PIK3C2A: variants seen among roughly 807,000 people sequenced by gnomAD.
PIK3C2A encodes the protein phosphatidylinositol 4-phosphate 3-kinase C2 domain-containing subunit alpha.
A neutral mutation model predicts 204.5 loss-of-function variants in PIK3C2A; 97 were observed. That is an observed-to-expected ratio of 0.47 (90% CI 0.40 to 0.56). The LOEUF is 0.56. Ranked by LOEUF, PIK3C2A falls within the 20% of genes least tolerant of loss-of-function variation. PIK3C2A has a pLI of 0.00. For missense variants in PIK3C2A, 1,735 were observed against 1,969.2 expected (o/e 0.88, Z 2.25); for synonymous variants, 653 against 664.4 (o/e 0.98, Z 0.26).
Position 17,101,323 on chromosome 11 carries a change from G to C in PIK3C2A, c.3963C>G (p.Asn1321Lys). 6.3e-7 allele frequency: 1 copy of C among 1,581,200 alleles called. No individual in the cohort carries two copies. Among genetic ancestry groups the C allele is most frequent in the Non-Finnish European group, 8.6e-7 (1 of 1,156,724 alleles). Residue 1321 changes from asparagine to lysine, a missense_variant, in exon 25 of 33, where the codon AAC (asparagine) becomes AAG (lysine). Asn to Lys is a moderately conservative substitution (Grantham distance 94). Transcript: ENST00000691414. Reference protein sequence around the residue: ...LFVDLCCQAYNLIRKQTNLFL... With the variant: ...LFVDLCCQAYKLIRKQTNLFL... ...AAAGGTTTGTCTGCTTTCTTATCAA[G>C]TTGTAGGCCTGACAGCAGAGGTCCA...
chr11:17,130,254 T>G (rs966940070), intron 12 of PIK3C2A, among the ~76,000 whole-genome samples: 9 of 152,322 alleles, frequency 5.9e-5, no homozygotes, highest in Admixed American at 5.2e-4. Context: ...GACATATGTT[T>G]ACCAATGCAT....
chr11:17,137,118 G>A (rs975812558), intron 8 of PIK3C2A, among the ~76,000 whole-genome samples: 1 of 151,976 alleles, frequency 6.6e-6, no homozygotes, highest in Non-Finnish European at 1.5e-5. Flanking sequence ...AAACATTTAT[G>A]CCAAACTTTT....
intron 9 of PIK3C2A, 44 bp from the exon 10 acceptor site, chr11:17,135,203 G>A (rs773684506): frequency 1.9e-6 from 3 of 1,589,512 alleles, no homozygotes; most frequent in Admixed American, 1.7e-5. Context: ...AACTGCCTAT[G>A]ACATAATATA....
chr11:17,096,099 C>T (rs1391155824), intron 27 of PIK3C2A, among the ~76,000 whole-genome samples: 1 of 151,090 alleles, frequency 6.6e-6, no homozygotes, highest in Non-Finnish European at 1.5e-5. Context: ...AGCGCAATGG[C>T]ACAATATTGG....
intron 27 of PIK3C2A, among the ~76,000 whole-genome samples, chr11:17,095,942 T>C (rs560608353): frequency 3.7e-4 from 56 of 150,610 alleles, no homozygotes; most frequent in Non-Finnish European, 8.9e-5. Flanking sequence ...TAAAATAACA[T>C]AACATAAAAT....
At chr11:17,166,248 C>T (rs921225501) in intron 2 of PIK3C2A, among the ~76,000 whole-genome samples, 3 of 151,778 alleles carry the variant, frequency 2.0e-5, no homozygotes, top group Non-Finnish European at 4.4e-5. Context: ...AAAAAAAATG[C>T]AGAAGAGTCC....
intron 17 of PIK3C2A, 91 bp from the exon 18 acceptor site, chr11:17,118,830 G>A: frequency 4.7e-6 from 3 of 631,852 alleles, no homozygotes; most frequent in Non-Finnish European, 5.6e-6. Context: ...TATAAAGCAA[G>A]TATTACTCTT....
chr11:17,122,907 A>G, intron 13 of PIK3C2A, 94 bp from the exon 14 acceptor site: 1 of 606,512 alleles, frequency 1.6e-6, no homozygotes, highest in East Asian at 2.8e-5. Context: ...TTAGTATGAG[A>G]TCAACTAAAT....
In PIK3C2A at chr11:17,163,711, C is replaced by T. The variant is rs563028649; in HGVS notation, c.1065+4966G>A. Among the ~76,000 whole-genome samples, 12 of 152,102 alleles carry T rather than the reference C, an allele frequency of 7.9e-5. No homozygotes were observed. In the South Asian group the frequency reaches 1.5e-3, roughly 18 times the overall value. On this transcript the variant is annotated intron_variant, in intron 2 of 32. Coordinates refer to ENST00000691414, the MANE Select transcript of PIK3C2A (RefSeq NM_002645.4). ...TTACAGGCATGAGCCACCAAACCCACCATTCTACCAGTTGTTTCTATTATA... is the reference window on the plus strand; with the variant it reads ...TTACAGGCATGAGCCACCAAACCCATCATTCTACCAGTTGTTTCTATTATA...
chr11:17,148,570 G>C (rs976617411), intron 5 of PIK3C2A, 97 bp downstream of exon 5: 31 of 977,700 alleles, frequency 3.2e-5, no homozygotes, highest in Non-Finnish European at 4.3e-5. Flanking sequence ...AGGATCCAAT[G>C]TATTTCTGCA....
rs746811224 is a variant in PIK3C2A at position 17,092,001 on chromosome 11, G to A, written c.4637C>T (p.Ser1546Phe). 2.4e-5 allele frequency: 38 copies of A among 1,599,514 alleles called. No homozygotes were observed. Among genetic ancestry groups the A allele is most frequent in the South Asian group, 1.1e-5 (1 of 90,780 alleles). ...GAGAAAAAAAATAATCTCACCTGCAGACCTAGCTATCCCTTCAGCTTTCTC... is the reference window on the plus strand; with the variant it reads ...GAGAAAAAAAATAATCTCACCTGCAAACCTAGCTATCCCTTCAGCTTTCTC... Reference protein sequence around the residue: ...RDEKAEGIARSADAGSFSPTP... With the variant: ...RDEKAEGIARFADAGSFSPTP... Residue 1546 changes from serine (S) to phenylalanine (F), a missense_variant, in exon 30 of 33, where the codon TCT (serine) becomes TTT (phenylalanine). This residue lies in a region of PIK3C2A where 503 missense variants were observed against 669.0 expected (regional missense o/e 0.75). Transcript: ENST00000691414.
At chr11:17,197,561 T>C (rs1429199467) in intron 1 of PIK3C2A, among the ~76,000 whole-genome samples, 1 of 152,136 alleles carries the variant, frequency 6.6e-6, no homozygotes, top group East Asian at 1.9e-4. Context: ...TTTCTATGTC[T>C]GCATATGTGT....
At chr11:17,129,781 G>A (rs1480555186) in intron 12 of PIK3C2A, among the ~76,000 whole-genome samples, 6 of 151,944 alleles carry the variant, frequency 3.9e-5, no homozygotes, top group African/African-American at 9.7e-5. Context: ...TAGTAGAGAC[G>A]GGGTTTCACC....
chr11:17,179,411 C>T (rs973883241), intron 1 of PIK3C2A, among the ~76,000 whole-genome samples: 1 of 151,980 alleles, frequency 6.6e-6, no homozygotes, highest in Non-Finnish European at 1.5e-5. Context: ...ATCCTCTCAC[C>T]TGAGCCTCCC....
chr11:17,102,369 G>A (rs770512307), intron 24 of PIK3C2A, among the ~76,000 whole-genome samples: 2 of 152,128 alleles, frequency 1.3e-5, no homozygotes, highest in Non-Finnish European at 2.9e-5. Context: ...CCCGGGAGGC[G>A]GAGCTTGCAG....
chr11:17,134,810 G>C lies in PIK3C2A; in HGVS notation c.2108+9C>G. 6.2e-7 allele frequency: 1 copy of C among 1,602,574 alleles called. No homozygotes were observed. Among genetic ancestry groups the C allele is most frequent in the Non-Finnish European group, 8.6e-7 (1 of 1,169,490 alleles). On this transcript the variant is annotated intron_variant, in intron 11 of 32. Transcript: ENST00000691414. ...GCCACCATGCCTGGCTGCTTAAACA[G>C]TTACTTACTTTGATACCCAATTACT...
chr11:17,202,107 T>C (rs1852407770), intron 1 of PIK3C2A, among the ~76,000 whole-genome samples: 2 of 151,428 alleles, frequency 1.3e-5, no homozygotes, highest in South Asian at 2.1e-4. Context: ...AATACAAAAA[T>C]TATCCGGGCA....
chr11:17,108,683 C>G (rs988861491), intron 22 of PIK3C2A, among the ~76,000 whole-genome samples: 3 of 152,090 alleles, frequency 2.0e-5, no homozygotes, highest in African/African-American at 7.2e-5. Context: ...CATGGCTTAG[C>G]AGAAGCTGGT....
At chr11:17,123,018 CAA>C (rs1185711368) in intron 13 of PIK3C2A, among the ~76,000 whole-genome samples, 1 of 151,782 alleles carries the variant, frequency 6.6e-6, no homozygotes. Context: ...AGGGTGGGAA[CAA>C]AGAGAGGGAG....
Sources: gnomAD v4.1 joint callset for allele counts (sites outside exome capture counted in the v4.1 genomes callset) on GRCh38, gnomAD v4.1.1 for gene constraint, gnomAD v4.1.1 regional missense constraint, MANE v1.5 for transcripts, NCBI Gene and HGNC (gene_info 2026-07-23, HGNC 2026-07-21) for gene names.